The following RALGPS2 variants were observed in gnomAD, a reference collection of about 807,000 sequenced individuals.
The protein encoded by RALGPS2 is Ral GEF with PH domain and SH3 binding motif 2, also known as ras-specific guanine nucleotide-releasing factor RalGPS2.
In RALGPS2, 43 loss-of-function variants were observed where a neutral mutation model predicts 86.8. That is an observed-to-expected ratio of 0.50 (90% CI 0.39 to 0.64). RALGPS2 has a LOEUF of 0.64. Among genes scored for constraint, RALGPS2 ranks in the 30% least tolerant of loss-of-function variants. The pLI, the probability that RALGPS2 is intolerant of heterozygous loss-of-function variation, is 0.00. For missense variants in RALGPS2, 536 were observed against 694.6 expected, an observed-to-expected ratio of 0.77 and a Z score of 2.57; for synonymous variants, 243 against 231.3, an observed-to-expected ratio of 1.05 and a Z score of -0.46.
At chr1:178,879,146 T>G in intron 10 of RALGPS2, 154 bp downstream of exon 10, 1 of 1,054,194 alleles carries the variant, frequency 9.5e-7, no homozygotes. Context: ...TATTACTTCT[T>G]AATCACTTGT....
intron 10 of RALGPS2, among the ~76,000 whole-genome samples, chr1:178,881,458 C>T (rs967216644): frequency 2.0e-5 from 3 of 152,004 alleles, no homozygotes; most frequent in Non-Finnish European, 4.4e-5. Flanking sequence ...CATTGTTTTT[C>T]TTTTTCTTGG....
At chr1:178,830,867 C>G (rs1186473538) in intron 7 of RALGPS2, among the ~76,000 whole-genome samples, 4 of 151,630 alleles carry the variant, frequency 2.6e-5, no homozygotes, top group African/African-American at 9.7e-5. Context: ...GTGTCCAACA[C>G]AAGAATTTGC....
chr1:178,896,748 G>A lies in RALGPS2; in HGVS notation c.1432-916G>A, dbSNP rs1262859380. Among the ~76,000 whole-genome samples, 4 of 147,382 alleles carry A rather than the reference G, an allele frequency of 2.7e-5. No individual in the cohort carries two copies. The South Asian group carries it at 8.8e-4, about 33-fold the overall frequency. ...GTTCTTGCGATAGTTTACTGAGAAT[G>A]ATGATTTCCAATTTCATCCATGTCC... On this transcript the variant is annotated intron_variant, in intron 16 of 19. Transcript: ENST00000367635.
intron 5 of RALGPS2, among the ~76,000 whole-genome samples, chr1:178,810,191 T>C (rs984666830): frequency 6.6e-6 from 1 of 151,956 alleles, no homozygotes; most frequent in African/African-American, 2.4e-5. Flanking sequence ...TGAGACCAGC[T>C]TGGGCAACGT....
intron 1 of RALGPS2, among the ~76,000 whole-genome samples, chr1:178,753,325 C>T (rs1414100135): frequency 2.0e-5 from 3 of 152,102 alleles, no homozygotes; most frequent in Admixed American, 2.0e-4. Context: ...CCATGATTCT[C>T]TATGGTATTT....
chr1:178,863,476 T>C (rs963287499), intron 8 of RALGPS2, among the ~76,000 whole-genome samples: 1 of 152,218 alleles, frequency 6.6e-6, no homozygotes, highest in African/African-American at 2.4e-5. Flanking sequence ...TAGGTGTGTT[T>C]GTTTGAATCT....
rs960032658 is a variant in RALGPS2 at position 178,902,132 on chromosome 1, A to G, written c.1551A>G (p.Val517=). The change falls in exon 18 of 20, where the codon GTA becomes GTG. Residue 517 remains valine, a synonymous_variant. Coordinates refer to ENST00000367635, the MANE Select transcript of RALGPS2 (RefSeq NM_152663.5). The part of the protein sequence containing the change: ...KHFKSTSNKN[V]SVIGWMVMMA... ...TCAAATCAACATCCAATAAGAACGT[A>G]TCTGTGATAGGATGGATGGTGATGA... The G allele has an allele frequency of 3.7e-6, 6 of 1,612,656 alleles. No individual in the cohort carries two copies. Among genetic ancestry groups the G allele is most frequent in the Non-Finnish European group, 4.2e-6 (5 of 1,178,892 alleles).
rs1660863563 is a variant in RALGPS2, at chr1:178,917,847, A to T, written c.*1488A>T. 6.6e-6 allele frequency: 1 copy of T among 152,184 alleles called. No individual in the cohort carries two copies. The allele number at this position is 152,184 out of a possible 1,614,324, so 9.4% of individuals were successfully genotyped here. A position where few individuals can be genotyped will look rare whatever the true frequency, so the allele number is the denominator to read the frequency against. ...TTTAGCAGTGGCCTAGAGTAAGGTA[A>T]TGCTTTGTGACTGATATCTACTAAT... is the stretch of plus-strand genomic sequence containing the variant. On this transcript the variant is annotated 3_prime_UTR_variant, in exon 20 of 20. Transcript: ENST00000367635.
At chr1:178,871,063 G>A (rs904914684) in intron 8 of RALGPS2, 10 of 152,144 alleles carry the variant, frequency 6.6e-5, no homozygotes, top group African/African-American at 2.4e-4. Context: ...AGCTGACCCA[G>A]ATTGTATATA....
chr1:178,886,109 G>T lies in RALGPS2; in HGVS notation c.1181G>T (p.Gly394Val). 6.2e-7 allele frequency: 1 copy of T among 1,611,226 alleles called. No individual in the cohort carries two copies. Among genetic ancestry groups the T allele is most frequent in the Non-Finnish European group, 8.5e-7 (1 of 1,179,230 alleles). ...GQAESSTLSSGISIGSSDGSE... is the reference protein window; with the variant it reads ...GQAESSTLSSVISIGSSDGSE... The stretch of plus-strand genomic sequence containing the variant: ...GCTGAAAGTTCTACTCTTTCTAGTG[G>T]AATATCAATAGGTGAGAAATACTTC... The change falls in exon 13 of 20, where the codon GGA becomes GTA. Residue 394 changes from glycine (G) to valine (V), a missense_variant. Physicochemically the swap from Gly to Val is moderately radical, Grantham distance 109. Transcript: ENST00000367635.
At chr1:178,880,566 T>G (rs1367788678) in intron 10 of RALGPS2, among the ~76,000 whole-genome samples, 1 of 152,196 alleles carries the variant, frequency 6.6e-6, no homozygotes, top group East Asian at 1.9e-4. Flanking sequence ...TGTCTTATAC[T>G]TACCACTATT....
In RALGPS2 at chr1:178,785,582, C is replaced by T. The variant is rs1204726834; in HGVS notation, c.188C>T (p.Pro63Leu). ...GGTCAGATAACATTAATGGATGTTCCAGTATTTAAAGCTATTCAACCAGAT... is the reference window on the plus strand; with the variant it reads ...GGTCAGATAACATTAATGGATGTTCTAGTATTTAAAGCTATTCAACCAGAT... ...YAGQITLMDV[P>L]VFKAIQPDEL... The change falls in exon 4 of 20, where the codon CCA becomes CTA. Residue 63 changes from proline to leucine, a missense_variant. This residue lies in a region of RALGPS2 where 184 missense variants were observed against 296.7 expected (regional missense o/e 0.62). Transcript: ENST00000367635. 6.3e-7 allele frequency: 1 copy of T among 1,580,530 alleles called. No individual in the cohort carries two copies. Among genetic ancestry groups the T allele is most frequent in the South Asian group, 1.2e-5 (1 of 84,766 alleles).
intron 6 of RALGPS2, among the ~76,000 whole-genome samples, chr1:178,820,004 G>T (rs1655420946): frequency 6.6e-6 from 1 of 152,124 alleles, no homozygotes; most frequent in South Asian, 2.1e-4. Flanking sequence ...TAGAAAGGTG[G>T]TATAGTTCAT....
rs201582341 is a variant in RALGPS2, at chr1:178,752,133, ATT to A, written c.-83-24532_-83-24531del. Among the ~76,000 whole-genome samples the A allele has an allele frequency of 1.4e-3, 186 of 136,174 alleles. 1 individual carries two copies. Among genetic ancestry groups the A allele is most frequent in the African/African-American group, 4.3e-3 (159 of 36,642 alleles). 89.3% of individuals were successfully genotyped at this position (136,174 alleles called of 152,430 possible). On this transcript the variant is annotated intron_variant, in intron 1 of 19. Transcript: ENST00000367635. ...GCTAATCTCTACTATTTGTGTAGTA[ATT>A]TTTTTTTTTTTTTTTTCTGAGACAG...
At chr1:178,870,363 C>T (rs545390064) in intron 8 of RALGPS2, among the ~76,000 whole-genome samples, 15 of 152,260 alleles carry the variant, frequency 9.9e-5, no homozygotes, top group African/African-American at 2.4e-4. Flanking sequence ...ATTGTGTTCA[C>T]GACTATTTAG....
At chr1:178,837,709 C>CGAGCAT (rs10678213) in intron 8 of RALGPS2, among the ~76,000 whole-genome samples, 146,973 of 151,936 alleles carry the variant, frequency 0.97, 71,098 homozygotes, top group East Asian at 1. Context: ...TGCAGCCCAC[C>CGAGCAT]GAGCCGAAGC....
chr1:178,871,066 T>A (rs1658730164), intron 8 of RALGPS2: 1 of 152,172 alleles, frequency 6.6e-6, no homozygotes, highest in Admixed American at 6.6e-5. Context: ...TGACCCAGAT[T>A]GTATATACAG....
chr1:178,899,344 C>T lies in RALGPS2; in HGVS notation c.1524+1588C>T, dbSNP rs150954315. 2.4e-3 allele frequency among the ~76,000 whole-genome samples: 359 copies of T among 151,542 alleles called. 1 individual carries two copies. Among genetic ancestry groups the T allele is most frequent in the African/African-American group, 8.1e-3 (334 of 41,414 alleles). ...CTTATTGAGTACCAAGGAAATTGACCGCATTTCTCATCTTTTCTAATTAAA... is the reference window on the plus strand; with the variant it reads ...CTTATTGAGTACCAAGGAAATTGACTGCATTTCTCATCTTTTCTAATTAAA... On this transcript the variant is annotated intron_variant, in intron 17 of 19. Coordinates refer to ENST00000367635, the MANE Select transcript of RALGPS2 (RefSeq NM_152663.5).
chr1:178,795,030 A>C (rs992329048), intron 4 of RALGPS2, among the ~76,000 whole-genome samples: 3 of 152,048 alleles, frequency 2.0e-5, no homozygotes, highest in African/African-American at 4.8e-5. Flanking sequence ...AAATACAAAA[A>C]TTAGCCAAGC....
Sources: gnomAD v4.1 joint callset for allele counts (sites outside exome capture counted in the v4.1 genomes callset) on GRCh38, gnomAD v4.1.1 for gene constraint, gnomAD v4.1.1 regional missense constraint, MANE v1.5 for transcripts, NCBI Gene and HGNC (gene_info 2026-07-23, HGNC 2026-07-21) for gene names.